STK39: variants seen among roughly 807,000 people sequenced by gnomAD.
STK39 encodes STE20/SPS1-related proline-alanine-rich protein kinase.
Under a neutral mutation model 77.8 loss-of-function variants are expected in STK39, and 20 were observed. The ratio of observed to expected loss-of-function variants is 0.26; its 90% CI spans 0.18 to 0.37. The LOEUF is 0.37. STK39 is among the 10% of genes least tolerant of loss of function. The pLI is 1.00. For synonymous variants in STK39, 246 were observed against 234.1 expected (o/e 1.05, Z -0.47); for missense variants, 479 against 656.5 (o/e 0.73, Z 2.95).
intron 1 of STK39, among the ~76,000 whole-genome samples, chr2:168,235,108 G>C (rs1203911337): frequency 1.3e-5 from 2 of 151,430 alleles, no homozygotes; most frequent in South Asian, 2.1e-4. Flanking sequence ...CGTGATCTTG[G>C]CTCACTGCAA....
intron 16 of STK39, among the ~76,000 whole-genome samples, chr2:167,993,075 G>T (rs1411684229): frequency 6.6e-6 from 1 of 152,230 alleles, no homozygotes; most frequent in African/African-American, 2.4e-5. Flanking sequence ...CTACACTGCA[G>T]TGATGTAATA....
At chr2:168,008,812 G>A (rs2105308216) in intron 16 of STK39, among the ~76,000 whole-genome samples, 1 of 152,140 alleles carries the variant, frequency 6.6e-6, no homozygotes, top group East Asian at 1.9e-4. Flanking sequence ...TTAAAACCAA[G>A]TGAAAAAGCT....
At chr2:168,127,531 A>G (rs1459849282) in intron 10 of STK39, among the ~76,000 whole-genome samples, 2 of 152,200 alleles carry the variant, frequency 1.3e-5, no homozygotes, top group Non-Finnish European at 2.9e-5. Context: ...GCTCCAAAGG[A>G]AAGTATGGGT....
rs144989722 is a variant in STK39, at chr2:168,164,221, C to A, written c.431-341G>T. On this transcript the variant is annotated intron_variant, in intron 3 of 17. Coordinates refer to ENST00000355999, the MANE Select transcript of STK39 (RefSeq NM_013233.3). ...CCAAAGAGGGTGCAAAAAGTCTGAACTGACAAAGAAAGGAGTATGAGGCCA... is the reference window on the plus strand; with the variant it reads ...CCAAAGAGGGTGCAAAAAGTCTGAAATGACAAAGAAAGGAGTATGAGGCCA... 2.6e-5 allele frequency among the ~76,000 whole-genome samples: 4 copies of A among 152,092 alleles called. No individual in the cohort carries two copies. The East Asian group carries it at 7.7e-4, about 29-fold the overall frequency.
At chr2:168,077,738 G>A (rs915512542) in intron 10 of STK39, among the ~76,000 whole-genome samples, 10 of 152,062 alleles carry the variant, frequency 6.6e-5, no homozygotes, top group South Asian at 2.1e-4. Context: ...TGACATTGAC[G>A]TCTACCAAAG....
chr2:168,114,931 G>A (rs562830522), intron 10 of STK39, among the ~76,000 whole-genome samples: 75 of 152,206 alleles, frequency 4.9e-4, no homozygotes, highest in Non-Finnish European at 9.4e-4. Flanking sequence ...CTGCACACTC[G>A]GTCTGTGTCC....
intron 10 of STK39, among the ~76,000 whole-genome samples, chr2:168,121,455 GAAAGA>G (rs1163376263): frequency 6.6e-6 from 1 of 152,200 alleles, no homozygotes; most frequent in Non-Finnish European, 1.5e-5. Flanking sequence ...TTACTGTAGT[GAAAGA>G]AAGCCCTGGT....
chr2:168,219,868 G>GC (rs1690119932), intron 1 of STK39, among the ~76,000 whole-genome samples: 1 of 70,176 alleles, frequency 1.4e-5, no homozygotes, highest in African/African-American at 3.2e-5. Flanking sequence ...TACTTTTCTT[G>GC]CTTTTTTTTT....
intron 16 of STK39, among the ~76,000 whole-genome samples, chr2:167,992,373 T>A (rs943573937): frequency 6.6e-6 from 1 of 151,978 alleles, no homozygotes; most frequent in East Asian, 1.9e-4. Flanking sequence ...ATCAGAGCTG[T>A]AGGCCACCAG....
chr2:168,210,591 CT>C (rs1689865316), intron 1 of STK39, among the ~76,000 whole-genome samples: 1 of 152,214 alleles, frequency 6.6e-6, no homozygotes, highest in African/African-American at 2.4e-5. Flanking sequence ...ATGATCTTAG[CT>C]CCCTGCAACC....
intron 2 of STK39, among the ~76,000 whole-genome samples, chr2:168,178,482 A>C (rs1246675231): frequency 6.6e-6 from 1 of 152,224 alleles, no homozygotes; most frequent in Non-Finnish European, 1.5e-5. Flanking sequence ...ATGAATTTTT[A>C]GTGGGCATAA....
chr2:168,067,282 G>C (rs1685820831), intron 12 of STK39, among the ~76,000 whole-genome samples: 2 of 152,184 alleles, frequency 1.3e-5, no homozygotes, highest in African/African-American at 4.8e-5. Context: ...GCACATGTTT[G>C]GATCATGGGG....
Position 168,163,750 on chromosome 2 carries a change from A to G in STK39, c.561T>C (p.Gly187=). The change falls in exon 4 of 18, where the codon GGT becomes GGC. Residue 187 remains glycine, a synonymous_variant. Coordinates refer to ENST00000355999, the MANE Select transcript of STK39 (RefSeq NM_013233.3). The stretch of plus-strand genomic sequence containing the variant: ...TGCAGAGGTCATACCTGTGAATCTG[A>G]CCGTTTCTGTGTAGATAGTCTAAGC... ...LEGLDYLHRN[G]QIHRDLKAGN... is the part of the protein sequence containing the mutation. The G allele has an allele frequency of 6.2e-7, 1 of 1,613,848 alleles. No individual in the cohort carries two copies.
chr2:168,042,298 C>G (rs1225211254), intron 14 of STK39, among the ~76,000 whole-genome samples: 1 of 152,198 alleles, frequency 6.6e-6, no homozygotes, highest in Non-Finnish European at 1.5e-5. Flanking sequence ...GTGGTTACAT[C>G]AATGCTTACT....
At chr2:168,021,198 C>A (rs886330795) in intron 14 of STK39, among the ~76,000 whole-genome samples, 1 of 152,066 alleles carries the variant, frequency 6.6e-6, no homozygotes, top group African/African-American at 2.4e-5. Context: ...GAACTGTACC[C>A]AGAATATCAC....
intron 1 of STK39, among the ~76,000 whole-genome samples, chr2:168,198,383 G>A (rs1689527707): frequency 6.6e-6 from 1 of 152,022 alleles, no homozygotes; most frequent in Admixed American, 6.6e-5. Flanking sequence ...TCTCAGTGTC[G>A]TGTAATAATT....
chr2:167,980,448 G>C (rs1245777703), intron 16 of STK39, among the ~76,000 whole-genome samples: 6 of 152,222 alleles, frequency 3.9e-5, no homozygotes, highest in Non-Finnish European at 8.8e-5. Context: ...ATTTAACCTA[G>C]TGGCTTCTGG....
Position 168,076,641 on chromosome 2 carries a change from T to G in STK39, c.1090-1410A>C, listed in dbSNP as rs182435933. The stretch of plus-strand genomic sequence containing the variant: ...CCAACATAGAAAGTCAGCAAGAAAG[T>G]ACAAAGTACTTTTTCATAATTGCAA... On this transcript the variant is annotated intron_variant, in intron 10 of 17. Transcript: ENST00000355999. Among the ~76,000 whole-genome samples, 58 of 152,292 alleles carry G rather than the reference T, an allele frequency of 3.8e-4. No individual in the cohort carries two copies. The East Asian group carries it at 9.4e-3, about 25-fold the overall frequency.
intron 1 of STK39, among the ~76,000 whole-genome samples, chr2:168,199,714 C>T (rs1405928834): frequency 6.6e-6 from 1 of 152,076 alleles, no homozygotes; most frequent in Non-Finnish European, 1.5e-5. Flanking sequence ...GGGGTTTCAC[C>T]ATGTTGATCA....
Sources: allele counts gnomAD v4.1 joint callset (sites outside exome capture counted in the v4.1 genomes callset), GRCh38; gene constraint gnomAD v4.1.1; transcripts MANE v1.5; gene names NCBI Gene and HGNC (gene_info 2026-07-23, HGNC 2026-07-21).